NCOA2: variants seen among roughly 807,000 people sequenced by gnomAD.
NCOA2 encodes class E basic helix-loop-helix protein 75.
A neutral mutation model predicts 145.1 loss-of-function variants in NCOA2; 21 were observed. That is an observed-to-expected ratio of 0.14 (90% CI 0.10 to 0.21). NCOA2 has a LOEUF of 0.21. Among genes scored for constraint, NCOA2 ranks in the 10% least tolerant of loss-of-function variants. The pLI is 1.00. For synonymous variants in NCOA2, 619 were observed against 637.5 expected, an observed-to-expected ratio of 0.97 and a Z score of 0.44; for missense variants, 1,472 against 1,837.6, an observed-to-expected ratio of 0.80 and a Z score of 3.64.
intron 4 of NCOA2, among the ~76,000 whole-genome samples, chr8:70,178,978 T>C (rs779998417): frequency 9.2e-5 from 14 of 152,180 alleles, no homozygotes; most frequent in East Asian, 5.8e-4. Context: ...TTAGTGGAAA[T>C]TGTGATTTGA....
At chr8:70,330,191 A>T (rs1806961989) in intron 1 of NCOA2, among the ~76,000 whole-genome samples, 1 of 143,918 alleles carries the variant, frequency 6.9e-6, no homozygotes, top group Non-Finnish European at 1.5e-5. Context: ...TAAAACACTC[A>T]ATAAATGATG....
At chr8:70,376,050 T>G (rs1811637018) in intron 1 of NCOA2, among the ~76,000 whole-genome samples, 1 of 152,194 alleles carries the variant, frequency 6.6e-6, no homozygotes, top group Non-Finnish European at 1.5e-5. Flanking sequence ...ACTTTAGTAG[T>G]AAAATACCTC....
chr8:70,383,852 G>GA (rs544020498), intron 1 of NCOA2, among the ~76,000 whole-genome samples: 2 of 150,936 alleles, frequency 1.3e-5, no homozygotes, highest in South Asian at 4.2e-4. Context: ...ATACTTCTAA[G>GA]AAAAAAAAAG....
intron 4 of NCOA2, among the ~76,000 whole-genome samples, chr8:70,182,610 A>G (rs1342447359): frequency 6.6e-6 from 1 of 152,224 alleles, no homozygotes; most frequent in African/African-American, 2.4e-5. Flanking sequence ...GGAATTCACT[A>G]TCATTCCCTC....
the NCOA2 span, among the ~76,000 whole-genome samples, chr8:70,421,139 G>A: frequency 1.3e-5 from 2 of 152,008 alleles, no homozygotes; most frequent in African/African-American, 4.8e-5. Flanking sequence ...GTGTAGGCAG[G>A]CAAACACAGC....
upstream of NCOA2, among the ~76,000 whole-genome samples, chr8:70,407,916 C>T (rs978562628): frequency 1.3e-5 from 2 of 152,162 alleles, no homozygotes; most frequent in African/African-American, 4.8e-5. Flanking sequence ...TATTTTGTTA[C>T]TTTCCCACTT....
intron 2 of NCOA2, among the ~76,000 whole-genome samples, chr8:70,270,862 T>C (rs533427146): frequency 6.6e-6 from 1 of 152,210 alleles, no homozygotes; most frequent in Non-Finnish European, 1.5e-5. Context: ...TATGTTTGCA[T>C]AGTTATTTTA....
At chr8:70,342,215 A>G (rs1419623309) in intron 1 of NCOA2, among the ~76,000 whole-genome samples, 2 of 152,184 alleles carry the variant, frequency 1.3e-5, no homozygotes, top group African/African-American at 4.8e-5. Flanking sequence ...TTAAAATTCA[A>G]AATATCTGGA....
At chr8:70,127,162 G>T (rs575915558) in intron 18 of NCOA2, 115 bp from the exon 19 acceptor site, 1 of 716,618 alleles carries the variant, frequency 1.4e-6, no homozygotes, top group Non-Finnish European at 2.3e-6. Flanking sequence ...AAATTATTTG[G>T]AAAAAAATTA....
At chr8:70,421,999 G>C in the NCOA2 span, among the ~76,000 whole-genome samples, 2 of 152,114 alleles carry the variant, frequency 1.3e-5, no homozygotes, top group Non-Finnish European at 2.9e-5. Flanking sequence ...GGAGGCTGAG[G>C]CAGGAGAATT....
intron 3 of NCOA2, 92 bp from the exon 4 acceptor site, chr8:70,214,167 C>A: frequency 1.7e-6 from 2 of 1,176,854 alleles, no homozygotes; most frequent in Non-Finnish European, 2.4e-6. Context: ...ACAAAGATAG[C>A]AAACAAAAGC....
chr8:70,213,835 G>T, intron 4 of NCOA2, 68 bp downstream of exon 4: 1 of 1,310,038 alleles, frequency 7.6e-7, no homozygotes, highest in Non-Finnish European at 1.0e-6. Context: ...GGACTCTGAA[G>T]GGACTTCTCA....
chr8:70,394,434 C>T (rs572004505), intron 1 of NCOA2, among the ~76,000 whole-genome samples: 40 of 152,298 alleles, frequency 2.6e-4, no homozygotes, highest in African/African-American at 8.9e-4. Context: ...GGATTACACG[C>T]GTGAGTCACC....
At chr8:70,241,593 T>C (rs1431272557) in intron 2 of NCOA2, among the ~76,000 whole-genome samples, 1 of 152,196 alleles carries the variant, frequency 6.6e-6, no homozygotes, top group Admixed American at 6.6e-5. Context: ...GTCCTCATTC[T>C]AGAATAAATC....
chr8:70,376,096 G>GT lies in NCOA2; in HGVS notation c.-77+27603dup, dbSNP rs144265470. On this transcript the variant is annotated intron_variant, in intron 1 of 22. Transcript: ENST00000452400. ...AACACTGTCTGAGAGTCGTTATTCC[G>GT]TAATACACCAGTAGTAAAGAAGACA... Among the ~76,000 whole-genome samples, 34 of 152,178 alleles carry GT rather than the reference G, an allele frequency of 2.2e-4. No individual in the cohort carries two copies. In the East Asian group the frequency reaches 5.4e-3, roughly 24 times the overall value.
At chr8:70,147,171 C>T (rs748704607) in intron 12 of NCOA2, among the ~76,000 whole-genome samples, 12 of 151,246 alleles carry the variant, frequency 7.9e-5, no homozygotes, top group African/African-American at 2.2e-4. Context: ...TTTGCTCTGT[C>T]GCCCAGGCTG....
At chr8:70,294,182 C>T (rs1322545015) in intron 2 of NCOA2, among the ~76,000 whole-genome samples, 1 of 152,040 alleles carries the variant, frequency 6.6e-6, no homozygotes, top group Non-Finnish European at 1.5e-5. Flanking sequence ...AGGCTATATA[C>T]TAAACTTCAT....
At chr8:70,231,791 A>C (rs149909054) in intron 2 of NCOA2, among the ~76,000 whole-genome samples, 1 of 152,156 alleles carries the variant, frequency 6.6e-6, no homozygotes, top group Non-Finnish European at 1.5e-5. Context: ...CCTTATATAG[A>C]ATCTTTCCTC....
Position 70,156,742 on chromosome 8 carries a change from G to A in NCOA2, c.1623C>T (p.Ser541=), listed in dbSNP as rs368378413. The change falls in exon 11 of 23, where the codon AGC becomes AGT. Residue 541 remains serine, a synonymous_variant. Transcript: ENST00000452400. ...ACCCTAATGAGACCCCGTGCCCCTC[G>A]CTGAGGGCCTGAAGTGCATTGAGGG... ...NSSLNALQAL[S]EGHGVSLGSS... 3.9e-4 allele frequency: 626 copies of A among 1,613,818 alleles called. No homozygotes were observed. The highest frequency in any genetic ancestry group is 4.9e-4 in the Non-Finnish European group (583 of 1,179,878).
Sources: allele counts gnomAD v4.1 joint callset (sites outside exome capture counted in the v4.1 genomes callset), GRCh38; gene constraint gnomAD v4.1.1; transcripts MANE v1.5; gene names NCBI Gene and HGNC (gene_info 2026-07-23, HGNC 2026-07-21).